NFIB: variants seen among roughly 807,000 people sequenced by gnomAD.
The protein encoded by NFIB is nuclear factor 1 B-type.
NFIB carries 11 observed loss-of-function variants against 61.5 expected under a neutral mutation model. That is an observed-to-expected ratio of 0.18 (90% CI 0.11 to 0.30). The LOEUF is 0.30. Among genes scored for constraint, NFIB ranks in the 10% least tolerant of loss-of-function variants. The pLI, the probability that NFIB is intolerant of heterozygous loss-of-function variation, is 1.00. For synonymous variants in NFIB, 260 were observed against 216.5 expected (o/e 1.20, Z -1.76); for missense variants, 471 against 608.9 (o/e 0.77, Z 2.38).
In NFIB at chr9:14,085,657, C is replaced by T. The variant is rs2032751745; in HGVS notation, c.*2652G>A. The stretch of plus-strand genomic sequence containing the variant: ...TGATTTTAATCTATCAGTCCAAATA[C>T]ATTCAACAATAGCAACCCTCTGTTC... On this transcript the variant is annotated 3_prime_UTR_variant, in exon 11 of 11. Transcript: ENST00000380953. 1 of 220,120 alleles carries T rather than the reference C, an allele frequency of 4.5e-6. No homozygotes were observed. Among genetic ancestry groups the T allele is most frequent in the Non-Finnish European group, 9.1e-6 (1 of 109,906 alleles). 13.6% of individuals were successfully genotyped at this position (220,120 alleles called of 1,614,324 possible).
chr9:14,522,748 A>G, the NFIB span, among the ~76,000 whole-genome samples: 22 of 152,202 alleles, frequency 1.4e-4, no homozygotes, highest in Non-Finnish European at 2.5e-4. Context: ...GAGAAATGAA[A>G]GTTTATTTCC....
At chr9:14,416,498 GT>G in the NFIB span, among the ~76,000 whole-genome samples, 1 of 143,886 alleles carries the variant, frequency 6.9e-6, no homozygotes, top group African/African-American at 2.6e-5. Context: ...TTGTGTCCTA[GT>G]TTTTAACAAA....
At chr9:14,473,779 C>A in the NFIB span, among the ~76,000 whole-genome samples, 1 of 152,166 alleles carries the variant, frequency 6.6e-6, no homozygotes, top group African/African-American at 2.4e-5. Flanking sequence ...TTTATTTAGG[C>A]CCGCATGATT....
At chr9:14,147,714 T>C (rs1490917365) in intron 5 of NFIB, among the ~76,000 whole-genome samples, 1 of 144,102 alleles carries the variant, frequency 6.9e-6, no homozygotes, top group Non-Finnish European at 1.5e-5. Flanking sequence ...CAATCTTGGC[T>C]CACAGCAAAC....
At chr9:14,247,790 G>C (rs1030976500) in intron 2 of NFIB, among the ~76,000 whole-genome samples, 15 of 152,110 alleles carry the variant, frequency 9.9e-5, no homozygotes, top group South Asian at 2.1e-4. Flanking sequence ...TGCATGCTTT[G>C]ATGTCACCTC....
chr9:14,424,853 G>C, the NFIB span, among the ~76,000 whole-genome samples: 2 of 152,200 alleles, frequency 1.3e-5, no homozygotes, highest in Non-Finnish European at 2.9e-5. Flanking sequence ...AATTTTACAT[G>C]AGGGACATCT....
intron 2 of NFIB, among the ~76,000 whole-genome samples, chr9:14,260,537 AAAT>A (rs1177313984): frequency 6.6e-6 from 1 of 152,216 alleles, no homozygotes; most frequent in East Asian, 1.9e-4. Context: ...ATGGTGCTTC[AAAT>A]AATAGGAACT....
the NFIB span, among the ~76,000 whole-genome samples, chr9:14,420,897 T>C: frequency 4.6e-5 from 7 of 152,184 alleles, no homozygotes; most frequent in Non-Finnish European, 1.0e-4. Flanking sequence ...ATGCTTCCAC[T>C]AATTATATAA....
intron 10 of NFIB, among the ~76,000 whole-genome samples, chr9:14,105,324 A>G (rs1587218176): frequency 6.6e-6 from 1 of 152,356 alleles, no homozygotes; most frequent in East Asian, 1.9e-4. Flanking sequence ...AAATATATTT[A>G]GCAATAATTT....
intron 2 of NFIB, among the ~76,000 whole-genome samples, chr9:14,218,161 C>A (rs910225102): frequency 3.9e-5 from 6 of 152,120 alleles, no homozygotes; most frequent in Non-Finnish European, 5.9e-5. Context: ...GGAAGGCATA[C>A]TTTTTCCCAG....
chr9:14,419,439 C>T, the NFIB span, among the ~76,000 whole-genome samples: 1 of 152,314 alleles, frequency 6.6e-6, no homozygotes, highest in East Asian at 1.9e-4. Flanking sequence ...ACCATGCCCA[C>T]AGACAGGGCC....
At chr9:14,451,861 TA>T in the NFIB span, among the ~76,000 whole-genome samples, 5 of 151,880 alleles carry the variant, frequency 3.3e-5, no homozygotes, top group African/African-American at 9.7e-5. Flanking sequence ...CCCATTTATT[TA>T]AAGCATGACC....
Position 14,307,454 on chromosome 9 carries a change from T to G in NFIB, c.97A>C (p.Asn33His). The change falls in exon 2 of 11, where the codon AAC becomes CAC. Residue 33 changes from asparagine (N) to histidine (H), a missense_variant. Around this residue, in one of 2 missense-constraint regions of NFIB, gnomAD observed 99 missense variants for 213.3 expected, o/e 0.46. Coordinates refer to ENST00000380953, the MANE Select transcript of NFIB (RefSeq NM_001190737.2). This position sits in a 1 kb window ranked among gnomAD's most constrained non-coding sequence, Gnocchi z 5.3. ...TACTTGCGTTTTCGAGCCTGCAGGT[T>G]GAACCAAGTATAGGCAATTGCACGG... ...HVRAIAYTWF[N>H]LQARKRKYFK... 1 of 1,613,948 alleles carries G rather than the reference T, an allele frequency of 6.2e-7. No homozygotes were observed. The highest frequency in any genetic ancestry group is 8.5e-7 in the Non-Finnish European group (1 of 1,179,984).
At chr9:14,437,520 A>G in the NFIB span, among the ~76,000 whole-genome samples, 1 of 152,238 alleles carries the variant, frequency 6.6e-6, no homozygotes, top group Non-Finnish European at 1.5e-5. Context: ...TTTAAAAGTA[A>G]GATGACTGTT....
At chr9:14,284,563 C>T (rs925658537) in intron 2 of NFIB, among the ~76,000 whole-genome samples, 5 of 152,132 alleles carry the variant, frequency 3.3e-5, no homozygotes, top group African/African-American at 1.2e-4. Flanking sequence ...TAAAAATGGA[C>T]TCTGTTTAGA....
intron 1 of NFIB, chr9:14,357,835 C>A (rs1037645091): frequency 6.6e-6 from 1 of 152,102 alleles, no homozygotes; most frequent in Non-Finnish European, 1.5e-5. Context: ...TTAATACATG[C>A]GTTAACAAGG....
At chr9:14,260,711 T>C (rs1186792595) in intron 2 of NFIB, among the ~76,000 whole-genome samples, 1 of 152,204 alleles carries the variant, frequency 6.6e-6, no homozygotes, top group Non-Finnish European at 1.5e-5. Flanking sequence ...ATGTAGAATC[T>C]TGCAGGATAG....
the NFIB span, among the ~76,000 whole-genome samples, chr9:14,511,783 ACT>A: frequency 6.6e-6 from 1 of 152,192 alleles, no homozygotes; most frequent in Non-Finnish European, 1.5e-5. Context: ...CCAAAGTCAC[ACT>A]GTCTTAATGT....
chr9:14,099,569 C>A (rs2035403248), intron 10 of NFIB, among the ~76,000 whole-genome samples: 1 of 152,090 alleles, frequency 6.6e-6, no homozygotes, highest in African/African-American at 2.4e-5. Context: ...TTTTTGAAAA[C>A]TACAACAAAG....
Sources: allele counts gnomAD v4.1 joint callset (sites outside exome capture counted in the v4.1 genomes callset), GRCh38; gene constraint gnomAD v4.1.1; regional missense constraint gnomAD v4.1.1; non-coding constraint Gnocchi (gnomAD v3.1); transcripts MANE v1.5; gene names NCBI Gene and HGNC (gene_info 2026-07-23, HGNC 2026-07-21).